Variants in ATG101 observed in about 807,000 individuals in gnomAD.
ATG101 encodes the protein autophagy-related protein 101.
ATG101 carries 6 observed loss-of-function variants against 16.7 expected under a neutral mutation model. That is an observed-to-expected ratio of 0.36 (90% CI 0.20 to 0.71). The LOEUF (loss-of-function observed/expected upper bound fraction) is 0.71. Among genes scored for constraint, ATG101 ranks in the 30% least tolerant of loss-of-function variants. The pLI is 0.57. For missense variants in ATG101, 200 were observed against 292.5 expected, an observed-to-expected ratio of 0.68 and a Z score of 2.31; for synonymous variants, 108 against 118.1, an observed-to-expected ratio of 0.91 and a Z score of 0.56.
At chr12:52,068,990 C>CAAA (rs869030833), upstream of ATG101, among the ~76,000 whole-genome samples, 644 of 33,450 alleles carry the variant, frequency 0.019, 68 homozygotes, top group African/African-American at 0.05. Flanking sequence ...GACGCCGTCT[C>CAAA]AAAAAAAAAA....
intron 2 of ATG101, 113 bp downstream of exon 2, chr12:52,070,596 C>T (rs910152592): frequency 2.0e-5 from 3 of 152,490 alleles, no homozygotes; most frequent in Middle Eastern, 3.4e-3. Context: ...CTGGTGGGCC[C>T]TGCTTGCTCA....
chr12:52,065,489 A>G (rs552828980), upstream of ATG101, among the ~76,000 whole-genome samples: 67 of 151,882 alleles, frequency 4.4e-4, no homozygotes, highest in African/African-American at 1.3e-3. Context: ...TTCATCCCAC[A>G]CAATCCCAGT....
chr12:52,072,073 A>G (rs966054458), intron 2 of ATG101, among the ~76,000 whole-genome samples: 1 of 152,238 alleles, frequency 6.6e-6, no homozygotes, highest in Non-Finnish European at 1.5e-5. Context: ...ACAATGTAAT[A>G]ATGAATTATA....
chr12:52,074,002 T>A, intron 3 of ATG101, 100 bp downstream of exon 3: 1 of 1,485,968 alleles, frequency 6.7e-7, no homozygotes, highest in Non-Finnish European at 9.2e-7. Flanking sequence ...ACCAGCCTTC[T>A]CTTCCTGAGT....
At chr12:52,070,333 G>A (rs897559299) in intron 1 of ATG101, 21 bp from the exon 2 acceptor site, 1 of 152,402 alleles carries the variant, frequency 6.6e-6, no homozygotes, top group African/African-American at 2.4e-5. Context: ...AGCCAAGTAA[G>A]TTTTCTGGTT....
At chr12:52,073,010 G>A (rs1020928281) in intron 2 of ATG101, among the ~76,000 whole-genome samples, 14 of 152,174 alleles carry the variant, frequency 9.2e-5, no homozygotes, top group African/African-American at 3.4e-4. Flanking sequence ...TTGAGCTCAA[G>A]TGATTTGCCT....
chr12:52,076,799 A>G lies in ATG101; in HGVS notation c.266A>G (p.Asn89Ser), dbSNP rs765608170. 49 of 1,613,844 alleles carry G rather than the reference A, an allele frequency of 3.0e-5. No homozygotes were observed. Among genetic ancestry groups the G allele is most frequent in the Admixed American group, 1.3e-4 (8 of 59,976 alleles). Residue 89 changes from asparagine to serine, a missense_variant, in exon 4 of 4, where the codon AAC (asparagine) becomes AGC (serine). Coordinates refer to ENST00000336854, the MANE Select transcript of ATG101 (RefSeq NM_021934.5). ...CCTTCTTCCCAGGATGCACTGCGCA[A>G]CTCTGGTGGCGATGGGCTGGGGCAG... ...VVGEFKDALR[N>S]SGGDGLGQMS...
rs1459289669 is a variant in ATG101 at position 52,070,022 on chromosome 12, G to A, written c.-427G>A. ...CGACCCAGGTGGTCTGGAGCCTGCC[G>A]GGAGAGTGGTGGCATCTGAGAGGCT... On this transcript the variant is annotated 5_prime_UTR_variant, in exon 1 of 4. Coordinates refer to ENST00000336854, the MANE Select transcript of ATG101 (RefSeq NM_021934.5). The A allele has an allele frequency of 1.3e-5, 2 of 152,434 alleles. No homozygotes were observed. The highest frequency in any genetic ancestry group is 2.9e-5 in the Non-Finnish European group (2 of 68,240). 9.4% of individuals were successfully genotyped at this position (152,434 alleles called of 1,614,324 possible).
intron 3 of ATG101, 147 bp downstream of exon 3, chr12:52,074,049 T>C: frequency 8.0e-7 from 1 of 1,248,430 alleles, no homozygotes; most frequent in Non-Finnish European, 1.1e-6. Flanking sequence ...GAGAAACAGA[T>C]GTGTTGAGAG....
chr12:52,076,522 TC>T, intron 3 of ATG101, among the ~76,000 whole-genome samples: 1 of 152,212 alleles, frequency 6.6e-6, no homozygotes, highest in East Asian at 1.9e-4. Flanking sequence ...CAGTAGTTAT[TC>T]CTGTAATATC....
intron 2 of ATG101, among the ~76,000 whole-genome samples, chr12:52,072,053 C>G (rs1939658570): frequency 6.6e-6 from 1 of 152,242 alleles, no homozygotes; most frequent in African/African-American, 2.4e-5. Context: ...TGCATCATCT[C>G]TTGGCAGTAA....
upstream of ATG101, chr12:52,069,786 T>A (rs529946648): frequency 6.6e-6 from 1 of 152,050 alleles, no homozygotes; most frequent in South Asian, 2.1e-4. Flanking sequence ...ACTCTTAAAA[T>A]CCGAGACATA....
At chr12:52,068,990 CAAA>C (rs869030833), upstream of ATG101, among the ~76,000 whole-genome samples, 657 of 33,292 alleles carry the variant, frequency 0.02, 2 homozygotes, top group African/African-American at 0.063. Context: ...GACGCCGTCT[CAAA>C]AAAAAAAAAA....
chr12:52,065,863 C>T (rs922390176), upstream of ATG101, among the ~76,000 whole-genome samples: 5 of 152,102 alleles, frequency 3.3e-5, no homozygotes, highest in Admixed American at 2.6e-4. Context: ...TATGTGGCGG[C>T]AGAAAGAGAG....
At position 52,071,813 on chromosome 12, in the gene ATG101, AAAAT is replaced by A. The variant is rs1414366128; in HGVS notation, c.-77+1343_-77+1346del. Among the ~76,000 whole-genome samples, 8 of 152,284 alleles carry A rather than the reference AAAAT, an allele frequency of 5.3e-5. No homozygotes were observed. In the East Asian group the frequency reaches 5.8e-4, roughly 11 times the overall value. ...TGGAGTGAGACCCCATTTCATAAAT[AAAAT>A]AAATAAATAAATCAGAATAACTGAA... On this transcript the variant is annotated intron_variant, in intron 2 of 3. Transcript: ENST00000336854.
At chr12:52,076,644 A>C (rs752725083) in intron 3 of ATG101, 142 bp from the exon 4 acceptor site, 66 of 1,025,742 alleles carry the variant, frequency 6.4e-5, no homozygotes, top group Non-Finnish European at 8.5e-5. Context: ...CAAATCGTTT[A>C]CCCTCTCCCA....
chr12:52,066,242 T>C (rs1330001986), upstream of ATG101, among the ~76,000 whole-genome samples: 8 of 152,280 alleles, frequency 5.3e-5, no homozygotes, highest in East Asian at 1.5e-3. Flanking sequence ...AAGCTGATGG[T>C]GTCATTGCAG....
At chr12:52,067,920 T>C (rs916025871), upstream of ATG101, among the ~76,000 whole-genome samples, 1 of 152,034 alleles carries the variant, frequency 6.6e-6, no homozygotes, top group African/African-American at 2.4e-5. Context: ...TATTGCAGGA[T>C]TGATTAGTAT....
chr12:52,076,692 C>A, intron 3 of ATG101, 94 bp from the exon 4 acceptor site: 1 of 1,419,740 alleles, frequency 7.0e-7, no homozygotes, highest in Non-Finnish European at 9.6e-7. Context: ...ATGACTAGAG[C>A]TAAGAGAGCA....
Sources: gnomAD v4.1 joint callset for allele counts (sites outside exome capture counted in the v4.1 genomes callset) on GRCh38, gnomAD v4.1.1 for gene constraint, MANE v1.5 for transcripts, NCBI Gene and HGNC (gene_info 2026-07-23, HGNC 2026-07-21) for gene names.